Variants in FMN2 observed in about 807,000 individuals in gnomAD.
FMN2 encodes the protein formin 2.
FMN2 carries 51 observed loss-of-function variants against 142.3 expected under a neutral mutation model. That is an observed-to-expected ratio of 0.36 (90% CI 0.29 to 0.45). The LOEUF is 0.45. FMN2 is among the 20% of genes least tolerant of loss of function. The pLI, the probability that FMN2 is intolerant of heterozygous loss-of-function variation, is 1.00. For missense variants in FMN2, 1,936 were observed against 2,122.8 expected (o/e 0.91, Z 1.73); for synonymous variants, 882 against 869.8 (o/e 1.01, Z -0.25).
At position 240,455,039 on chromosome 1, in the gene FMN2, TAA is replaced by T. The variant is rs34856404; in HGVS notation, c.5060+16840_5060+16841del. On this transcript the variant is annotated intron_variant, in intron 16 of 17. Transcript: ENST00000319653. ...AAAAGCTCTCTACTTTATTATTAGTTAAAAAAAAAAAAGTCAAATCACTCACA... is the reference window on the plus strand; with the variant it reads ...AAAAGCTCTCTACTTTATTATTAGTTAAAAAAAAAAGTCAAATCACTCACA... Among the ~76,000 whole-genome samples, 124 of 148,194 alleles carry T rather than the reference TAA, an allele frequency of 8.4e-4. No homozygotes were observed. In the East Asian group the frequency reaches 0.019, roughly 23 times the overall value.
At chr1:240,360,849 T>G (rs1350261238) in intron 14 of FMN2, among the ~76,000 whole-genome samples, 2 of 151,938 alleles carry the variant, frequency 1.3e-5, no homozygotes, top group Non-Finnish European at 2.9e-5. Context: ...GAAACCATCA[T>G]TCTCAGCAAA....
intron 5 of FMN2, among the ~76,000 whole-genome samples, chr1:240,210,293 T>C (rs1572069031): frequency 1.3e-5 from 2 of 152,304 alleles, no homozygotes; most frequent in South Asian, 4.2e-4. Flanking sequence ...TGTTCTAATG[T>C]TTCATGATTC....
intron 2 of FMN2, among the ~76,000 whole-genome samples, chr1:240,172,201 TACAC>T (rs138951858): frequency 2.0e-5 from 3 of 147,126 alleles, no homozygotes; most frequent in South Asian, 2.1e-4. Flanking sequence ...CACATACACA[TACAC>T]ACACACACAC....
chr1:240,121,138 G>A (rs114912502), intron 1 of FMN2, among the ~76,000 whole-genome samples: 3,648 of 150,084 alleles, frequency 0.024, 127 homozygotes, highest in African/African-American at 0.084. Flanking sequence ...GGGTGACAGC[G>A]AAAGTCTATC....
At chr1:240,244,843 T>C (rs1170176438) in intron 6 of FMN2, among the ~76,000 whole-genome samples, 1 of 152,208 alleles carries the variant, frequency 6.6e-6, no homozygotes, top group Non-Finnish European at 1.5e-5. Flanking sequence ...GTTGGTTGTC[T>C]AACCATTTTT....
intron 2 of FMN2, chr1:240,143,291 CAG>C (rs1037866334): frequency 2.6e-6 from 4 of 1,536,728 alleles, no homozygotes; most frequent in Middle Eastern, 1.7e-4. Context: ...TGATTTGAAA[CAG>C]AGATGAGGGC....
At position 240,310,759 on chromosome 1, in the gene FMN2, CTG is replaced by C. The variant is rs749457826; in HGVS notation, c.4215+15879_4215+15880del. 5.9e-5 allele frequency among the ~76,000 whole-genome samples: 9 copies of C among 152,188 alleles called. No individual in the cohort carries two copies. In the East Asian group the frequency reaches 1.5e-3, roughly 26 times the overall value. Reference sequence around the variant, plus strand: ...TGTGAGGTGGATAGGAAGCAGTAGACTGTGGTGTGGGGAATGAGGGAGCAGAT... The same window carrying C: ...TGTGAGGTGGATAGGAAGCAGTAGACTGGTGTGGGGAATGAGGGAGCAGAT... On this transcript the variant is annotated intron_variant, in intron 8 of 17. Coordinates refer to ENST00000319653, the MANE Select transcript of FMN2 (RefSeq NM_020066.5).
intron 13 of FMN2, among the ~76,000 whole-genome samples, chr1:240,344,112 C>T (rs4460624): frequency 0.6 from 91,934 of 152,054 alleles, 29,968 homozygotes; most frequent in African/African-American, 0.87. Context: ...AATGGAGTGA[C>T]ATGATTTATG....
At chr1:240,100,592 C>T (rs1661378826) in intron 1 of FMN2, among the ~76,000 whole-genome samples, 1 of 152,164 alleles carries the variant, frequency 6.6e-6, no homozygotes, top group Non-Finnish European at 1.5e-5. Context: ...TAATAAGATG[C>T]TAACCACACT....
chr1:240,245,141 A>G (rs1668036148), intron 6 of FMN2: 1 of 209,474 alleles, frequency 4.8e-6, no homozygotes, highest in African/African-American at 2.4e-5. Context: ...AGGGATGTTC[A>G]GGAGAAGCAT....
chr1:240,305,789 T>C (rs1247495518), intron 8 of FMN2, among the ~76,000 whole-genome samples: 2 of 135,808 alleles, frequency 1.5e-5, no homozygotes, highest in East Asian at 4.4e-4. Context: ...CCCTTTTATG[T>C]ATCTCTTCCA....
At chr1:240,413,369 A>G (rs1459257658) in intron 15 of FMN2, among the ~76,000 whole-genome samples, 82 of 151,878 alleles carry the variant, frequency 5.4e-4, no homozygotes, top group Non-Finnish European at 2.9e-5. Flanking sequence ...GGTGGGTTAA[A>G]GGCTCATAGG....
intron 13 of FMN2, among the ~76,000 whole-genome samples, chr1:240,346,473 G>A (rs1402375435): frequency 6.6e-6 from 1 of 152,028 alleles, no homozygotes; most frequent in Non-Finnish European, 1.5e-5. Context: ...GATAAGGGAG[G>A]GCAACTTCAC....
At chr1:240,452,456 A>C (rs977675153) in intron 16 of FMN2, among the ~76,000 whole-genome samples, 6 of 152,160 alleles carry the variant, frequency 3.9e-5, no homozygotes, top group African/African-American at 1.4e-4. Context: ...CATTATATTT[A>C]GATAATATAT....
At chr1:240,140,774 A>G (rs1324712288) in intron 2 of FMN2, among the ~76,000 whole-genome samples, 1 of 152,156 alleles carries the variant, frequency 6.6e-6, no homozygotes, top group African/African-American at 2.4e-5. Context: ...TCCTCTTTTA[A>G]TTATTTCAAG....
intron 6 of FMN2, among the ~76,000 whole-genome samples, chr1:240,225,362 C>CAGG (rs1315348403): frequency 6.6e-6 from 1 of 152,176 alleles, no homozygotes; most frequent in Non-Finnish European, 1.5e-5. Flanking sequence ...CCTAAGGGCC[C>CAGG]AGGGGCCTTA....
intron 2 of FMN2, among the ~76,000 whole-genome samples, chr1:240,130,855 G>A (rs1662707206): frequency 6.6e-6 from 1 of 151,936 alleles, no homozygotes; most frequent in African/African-American, 2.4e-5. Context: ...ATTTAGGTCA[G>A]GTTCTTCGTA....
chr1:240,134,325 G>C (rs1431237235), intron 2 of FMN2, among the ~76,000 whole-genome samples: 1 of 151,982 alleles, frequency 6.6e-6, no homozygotes, highest in African/African-American at 2.4e-5. Context: ...TGATAATCTT[G>C]AAAACACTTG....
chr1:240,146,584 G>A (rs1663491308), intron 2 of FMN2, among the ~76,000 whole-genome samples: 1 of 151,770 alleles, frequency 6.6e-6, no homozygotes, highest in Admixed American at 6.6e-5. Flanking sequence ...TGCAACTCTA[G>A]TCCCAGTTAC....
Sources: allele counts gnomAD v4.1 joint callset (sites outside exome capture counted in the v4.1 genomes callset), GRCh38; gene constraint gnomAD v4.1.1; transcripts MANE v1.5; gene names NCBI Gene and HGNC (gene_info 2026-07-23, HGNC 2026-07-21).